Variants in NCKAP5 observed in about 807,000 individuals in gnomAD.
The protein encoded by NCKAP5 is nck-associated protein 5.
NCKAP5 carries 92 observed loss-of-function variants against 167.0 expected under a neutral mutation model. That is an observed-to-expected ratio of 0.55 (90% CI 0.47 to 0.66). The LOEUF is 0.66. Among genes scored for constraint, NCKAP5 ranks in the 30% least tolerant of loss-of-function variants. The pLI is 0.00. For missense variants in NCKAP5, 2,378 were observed against 2,315.0 expected, an observed-to-expected ratio of 1.03 and a Z score of -0.56; for synonymous variants, 891 against 877.4, an observed-to-expected ratio of 1.02 and a Z score of -0.27.
chr2:132,957,808 C>T (rs1397438264), intron 8 of NCKAP5, among the ~76,000 whole-genome samples: 1 of 152,152 alleles, frequency 6.6e-6, no homozygotes, highest in Non-Finnish European at 1.5e-5. Flanking sequence ...GGTTTTGCCC[C>T]ACACCCAGAA....
At chr2:133,414,246 T>A (rs1214552192) in intron 3 of NCKAP5, among the ~76,000 whole-genome samples, 4 of 152,196 alleles carry the variant, frequency 2.6e-5, no homozygotes, top group Admixed American at 6.5e-5. Context: ...TGGAAATACC[T>A]AGACACAAGG....
the NCKAP5 span, among the ~76,000 whole-genome samples, chr2:133,647,276 G>A: frequency 8.6e-5 from 13 of 151,242 alleles, no homozygotes; most frequent in Admixed American, 6.0e-4. Flanking sequence ...ATTAGATGCT[G>A]CAATGAGCTT....
chr2:132,815,498 T>C (rs1686197617), intron 11 of NCKAP5, among the ~76,000 whole-genome samples: 1 of 152,226 alleles, frequency 6.6e-6, no homozygotes, highest in Non-Finnish European at 1.5e-5. Flanking sequence ...AAATACCCCA[T>C]GTTAATAATT....
intron 4 of NCKAP5, among the ~76,000 whole-genome samples, chr2:133,229,407 G>A (rs1463455717): frequency 6.6e-6 from 1 of 152,150 alleles, no homozygotes; most frequent in Non-Finnish European, 1.5e-5. Flanking sequence ...ACTTCCTAAA[G>A]GATATGAGAT....
chr2:133,295,549 A>C (rs2150533701), intron 4 of NCKAP5, among the ~76,000 whole-genome samples: 1 of 152,314 alleles, frequency 6.6e-6, no homozygotes, highest in South Asian at 2.1e-4. Flanking sequence ...GTTTCTTGGA[A>C]TATACTCAGG....
At position 133,123,472 on chromosome 2, in the gene NCKAP5, A is replaced by T. The variant is rs1574097467; in HGVS notation, c.341+6506T>A. 19 of 200,870 alleles carry T rather than the reference A, an allele frequency of 9.5e-5. No individual in the cohort carries two copies. The South Asian group carries it at 1.7e-3, about 18-fold the overall frequency. The allele number at this position is 200,870 out of a possible 1,614,324, so 12.4% of individuals were successfully genotyped here. ...TTCCATCTGTTGTAATTTGAAGAAA[A>T]TTTATCCTTGAACCAATGTTGCTTT... is the stretch of plus-strand genomic sequence containing the variant. On this transcript the variant is annotated intron_variant, in intron 6 of 19. Coordinates refer to ENST00000409261, the MANE Select transcript of NCKAP5 (RefSeq NM_207363.3).
chr2:132,918,725 T>C (rs1331153735), intron 8 of NCKAP5, among the ~76,000 whole-genome samples: 1 of 152,194 alleles, frequency 6.6e-6, no homozygotes, highest in Non-Finnish European at 1.5e-5. Flanking sequence ...CAAAGGACAG[T>C]ATAATGTAAA....
chr2:133,567,155 C>T (rs1292267245), intron 1 of NCKAP5, among the ~76,000 whole-genome samples: 3 of 152,168 alleles, frequency 2.0e-5, no homozygotes, highest in Non-Finnish European at 1.5e-5. Flanking sequence ...ATCCGTGCAG[C>T]GGGCTGGGCT....
intron 16 of NCKAP5, among the ~76,000 whole-genome samples, chr2:132,732,525 T>A (rs955155134): frequency 1.3e-5 from 2 of 152,184 alleles, no homozygotes; most frequent in African/African-American, 4.8e-5. Context: ...TTTTTGAACC[T>A]GAAAACATCC....
intron 6 of NCKAP5, among the ~76,000 whole-genome samples, chr2:133,112,198 G>A (rs577368620): frequency 1.3e-5 from 2 of 152,310 alleles, no homozygotes; most frequent in Middle Eastern, 3.4e-3. Context: ...TGCTAGGTAT[G>A]GCGTGGTGGC....
chr2:133,439,972 C>T (rs11896710), intron 3 of NCKAP5, among the ~76,000 whole-genome samples: 28,016 of 152,116 alleles, frequency 0.18, 2,773 homozygotes, highest in African/African-American at 0.23. Flanking sequence ...CTTTTGTAAG[C>T]GTTCCTCGGG....
In NCKAP5 at chr2:133,401,779, CATA is replaced by C. The variant is rs1487508344; in HGVS notation, c.70-98672_70-98670del. On this transcript the variant is annotated intron_variant, in intron 3 of 19. Coordinates refer to ENST00000409261, the MANE Select transcript of NCKAP5 (RefSeq NM_207363.3). ...CAGTCAGGGCTCCAACCTGGGCTCT[CATA>C]ATAACTTCCTCCTTTCCTTTTTGAC... 2.0e-5 allele frequency among the ~76,000 whole-genome samples: 3 copies of C among 152,216 alleles called. No homozygotes were observed. In the East Asian group the frequency reaches 5.8e-4, roughly 29 times the overall value.
At chr2:133,270,127 C>T (rs1028872293) in intron 4 of NCKAP5, among the ~76,000 whole-genome samples, 1 of 152,068 alleles carries the variant, frequency 6.6e-6, no homozygotes, top group Admixed American at 6.5e-5. Context: ...CCTGACTTTT[C>T]GTAAGTGCCA....
At chr2:132,792,633 A>T (rs1246673929) in intron 12 of NCKAP5, among the ~76,000 whole-genome samples, 1 of 152,176 alleles carries the variant, frequency 6.6e-6, no homozygotes, top group Non-Finnish European at 1.5e-5. Context: ...AGAGAGAGAG[A>T]GAGACTGTGT....
At chr2:132,779,482 C>T (rs1682835348) in intron 15 of NCKAP5, among the ~76,000 whole-genome samples, 1 of 151,944 alleles carries the variant, frequency 6.6e-6, no homozygotes. Flanking sequence ...TTCAGTGACA[C>T]CACAAGGGCA....
At chr2:132,751,676 T>C (rs757935502) in intron 16 of NCKAP5, among the ~76,000 whole-genome samples, 8 of 152,212 alleles carry the variant, frequency 5.3e-5, no homozygotes, top group Non-Finnish European at 1.0e-4. Context: ...CTGGTCCCAA[T>C]ATCTGTCTGG....
intron 3 of NCKAP5, among the ~76,000 whole-genome samples, chr2:133,438,335 T>C (rs567551732): frequency 6.6e-6 from 1 of 152,346 alleles, no homozygotes; most frequent in Non-Finnish European, 1.5e-5. Flanking sequence ...CACTAGGGTT[T>C]CTGTTTGAAC....
chr2:132,959,742 G>A (rs1038059607), intron 8 of NCKAP5, among the ~76,000 whole-genome samples: 1 of 152,184 alleles, frequency 6.6e-6, no homozygotes, highest in Non-Finnish European at 1.5e-5. Context: ...TTCTGGTGGG[G>A]TGGCAGAAAG....
At chr2:132,880,904 A>AT (rs1410435371) in intron 8 of NCKAP5, among the ~76,000 whole-genome samples, 1 of 152,160 alleles carries the variant, frequency 6.6e-6, no homozygotes, top group Non-Finnish European at 1.5e-5. Flanking sequence ...GACATGATGC[A>AT]TTTTATTCCT....
Sources: allele counts gnomAD v4.1 joint callset (sites outside exome capture counted in the v4.1 genomes callset), GRCh38; gene constraint gnomAD v4.1.1; transcripts MANE v1.5; gene names NCBI Gene and HGNC (gene_info 2026-07-23, HGNC 2026-07-21).